Variants in DLGAP2 observed in about 807,000 individuals in gnomAD.
The protein encoded by DLGAP2 is DLG associated protein 2, also known as disks large-associated protein 2.
In DLGAP2, 26 loss-of-function variants were observed where a neutral mutation model predicts 100.3. That is an observed-to-expected ratio of 0.26 (90% CI 0.19 to 0.36). DLGAP2 has a LOEUF of 0.36. DLGAP2 is among the 10% of genes least tolerant of loss of function. DLGAP2 has a pLI of 1.00. For synonymous variants in DLGAP2, 886 were observed against 630.1 expected (o/e 1.41, Z -6.08); for missense variants, 1,858 against 1,453.2 (o/e 1.28, Z -4.53).
chr8:1,586,946 C>T (rs1796140291), intron 6 of DLGAP2, among the ~76,000 whole-genome samples: 1 of 152,148 alleles, frequency 6.6e-6, no homozygotes, highest in Non-Finnish European at 1.5e-5. Flanking sequence ...GAGATTCTGA[C>T]TAGAATGGAG....
intron 1 of DLGAP2, among the ~76,000 whole-genome samples, chr8:813,046 AC>A (rs1778684290): frequency 6.6e-6 from 1 of 152,132 alleles, no homozygotes; most frequent in Admixed American, 6.6e-5. Context: ...TTTTCATAAT[AC>A]CCCGGTATGC....
intron 2 of DLGAP2, among the ~76,000 whole-genome samples, chr8:1,028,210 C>T (rs564311108): frequency 7.0e-5 from 10 of 143,192 alleles, no homozygotes; most frequent in African/African-American, 2.1e-4. Context: ...CATTATTCTC[C>T]AGGTGGGGTG....
chr8:1,356,584 C>A (rs1006911418), intron 3 of DLGAP2, among the ~76,000 whole-genome samples: 2 of 152,100 alleles, frequency 1.3e-5, no homozygotes, highest in Admixed American at 6.5e-5. Context: ...GCCCCCCAGG[C>A]AGAACATGAC....
chr8:821,957 G>T (rs1205073170), intron 1 of DLGAP2: 1 of 393,124 alleles, frequency 2.5e-6, no homozygotes, highest in South Asian at 1.4e-4. Context: ...ACTTCTTCTT[G>T]CCATATTGCT....
rs1797533259 is a variant in DLGAP2 at position 1,187,464 on chromosome 8, CCG to C, written c.74-71386_74-71385del. ...ACGGAATCTCACACACCCGGGACCT[CCG>C]TGACATTTGCCTCACGGAATCTCAC... On this transcript the variant is annotated intron_variant, in intron 2 of 14. Coordinates refer to ENST00000637795, the MANE Select transcript of DLGAP2 (RefSeq NM_001346810.2). Among the ~76,000 whole-genome samples, 7 of 138,380 alleles carry C rather than the reference CCG, an allele frequency of 5.1e-5. No individual in the cohort carries two copies. The East Asian group carries it at 7.0e-4, about 14-fold the overall frequency. The allele number at this position is 138,380 out of a possible 152,430, so 90.8% of individuals were successfully genotyped here. A position where few individuals can be genotyped will look rare whatever the true frequency, so the allele number is the denominator to read the frequency against.
intron 2 of DLGAP2, among the ~76,000 whole-genome samples, chr8:949,890 T>C (rs941189311): frequency 8.6e-5 from 13 of 152,042 alleles, no homozygotes; most frequent in African/African-American, 2.9e-4. Context: ...GGCAGATGAG[T>C]AAAAATAGCG....
At chr8:1,673,432 C>A (rs1489026743) in intron 10 of DLGAP2, among the ~76,000 whole-genome samples, 1 of 152,224 alleles carries the variant, frequency 6.6e-6, no homozygotes, top group Non-Finnish European at 1.5e-5. Context: ...CTCCTCCTGG[C>A]CAAGTATGAT....
intron 2 of DLGAP2, among the ~76,000 whole-genome samples, chr8:909,083 A>C (rs1798435885): frequency 6.6e-6 from 1 of 152,230 alleles, no homozygotes; most frequent in Admixed American, 6.5e-5. Flanking sequence ...CATTACTGAT[A>C]GAACTCTTCT....
At chr8:1,610,345 A>G (rs889314002) in intron 6 of DLGAP2, among the ~76,000 whole-genome samples, 19 of 151,978 alleles carry the variant, frequency 1.3e-4, no homozygotes, top group African/African-American at 4.6e-4. Context: ...ACCAACGAGA[A>G]CAAAGACACA....
intron 3 of DLGAP2, among the ~76,000 whole-genome samples, chr8:1,469,587 G>T (rs184298726): frequency 6.6e-6 from 1 of 152,158 alleles, no homozygotes; most frequent in African/African-American, 2.4e-5. Flanking sequence ...AACCTCCCAC[G>T]TATTCGTATT....
intron 14 of DLGAP2, among the ~76,000 whole-genome samples, chr8:1,700,815 C>T (rs1312305764): frequency 1.3e-5 from 2 of 152,242 alleles, no homozygotes; most frequent in African/African-American, 4.8e-5. Flanking sequence ...GTCCAAAACC[C>T]TCGCGATGCT....
At chr8:1,696,654 C>A (rs1799405158) in intron 13 of DLGAP2, among the ~76,000 whole-genome samples, 1 of 152,220 alleles carries the variant, frequency 6.6e-6, no homozygotes, top group South Asian at 2.1e-4. Flanking sequence ...TTGGTGAGAG[C>A]ATCCTGTTCC....
chr8:846,614 CTT>C (rs1189814759), intron 1 of DLGAP2, among the ~76,000 whole-genome samples: 1 of 152,194 alleles, frequency 6.6e-6, no homozygotes, highest in Non-Finnish European at 1.5e-5. Context: ...GCAGAGATCT[CTT>C]TGACACTAAC....
chr8:1,444,688 C>T (rs796925538), intron 3 of DLGAP2, among the ~76,000 whole-genome samples: 15 of 151,896 alleles, frequency 9.9e-5, no homozygotes, highest in African/African-American at 3.6e-4. Context: ...TCAGTGTCAC[C>T]ATCTGCAGTC....
At chr8:1,542,786 C>G (rs1324129031) in intron 4 of DLGAP2, among the ~76,000 whole-genome samples, 3 of 152,164 alleles carry the variant, frequency 2.0e-5, no homozygotes, top group Non-Finnish European at 4.4e-5. Context: ...TTTGGTGACT[C>G]TGTGTTCAGC....
chr8:934,615 C>A (rs551185866), intron 2 of DLGAP2, among the ~76,000 whole-genome samples: 2 of 152,208 alleles, frequency 1.3e-5, no homozygotes, highest in South Asian at 2.1e-4. Context: ...CGTGGCTATT[C>A]CCGGCTTGTG....
intron 3 of DLGAP2, among the ~76,000 whole-genome samples, chr8:1,428,159 C>G (rs1180358210): frequency 1.1e-5 from 1 of 94,428 alleles, no homozygotes; most frequent in Non-Finnish European, 2.8e-5. Flanking sequence ...AAATAGAAAA[C>G]AAAATGCTAG....
At chr8:1,214,324 C>T (rs748168052) in intron 2 of DLGAP2, among the ~76,000 whole-genome samples, 6 of 152,238 alleles carry the variant, frequency 3.9e-5, no homozygotes, top group Non-Finnish European at 7.3e-5. Flanking sequence ...CCCCGCCACT[C>T]AGGTGATCGT....
At chr8:1,235,221 C>T (rs1798622625) in intron 2 of DLGAP2, among the ~76,000 whole-genome samples, 1 of 116,444 alleles carries the variant, frequency 8.6e-6, no homozygotes, top group Non-Finnish European at 2.0e-5. Context: ...AGTTCTCTCA[C>T]ACATGGCATG....
Sources: gnomAD v4.1 joint callset for allele counts (sites outside exome capture counted in the v4.1 genomes callset) on GRCh38, gnomAD v4.1.1 for gene constraint, MANE v1.5 for transcripts, NCBI Gene and HGNC (gene_info 2026-07-23, HGNC 2026-07-21) for gene names.